BBS5: variants seen among roughly 807,000 people sequenced by gnomAD.
BBS5 encodes Bardet-Biedl syndrome 5.
In BBS5, 39 loss-of-function variants were observed where a neutral mutation model predicts 50.2. That is an observed-to-expected ratio of 0.78 (90% CI 0.60 to 1.01). BBS5 has a LOEUF of 1.01. Among genes scored for constraint, BBS5 ranks in the 50% least tolerant of loss-of-function variants. The pLI, the probability that BBS5 is intolerant of heterozygous loss-of-function variation, is 0.00. For missense variants in BBS5, 356 were observed against 401.5 expected (o/e 0.89, Z 0.97); for synonymous variants, 134 against 133.1 (o/e 1.01, Z -0.05).
At chr2:169,486,768 C>G (rs965911783) in intron 2 of BBS5, among the ~76,000 whole-genome samples, 7 of 152,156 alleles carry the variant, frequency 4.6e-5, no homozygotes. Context: ...AGAACAACTT[C>G]TACCAAGACA....
chr2:169,497,789 A>G, intron 8 of BBS5, 100 bp downstream of exon 8: 2 of 775,254 alleles, frequency 2.6e-6, no homozygotes, highest in Non-Finnish European at 4.5e-6. Context: ...ACATCTGAGA[A>G]GAATATTAGC....
At chr2:169,487,263 C>A (rs1683502544) in intron 3 of BBS5, 129 bp downstream of exon 3, 1 of 679,126 alleles carries the variant, frequency 1.5e-6, no homozygotes. Context: ...AAATCCTAGA[C>A]ATCATAATGC....
chr2:169,505,708 G>GC lies in BBS5; in HGVS notation c.*1130dup. 4.8e-6 allele frequency: 1 copy of GC among 206,438 alleles called. No individual in the cohort carries two copies. The highest frequency in any genetic ancestry group is 6.4e-5 in the South Asian group (1 of 15,566). 12.8% of individuals were successfully genotyped at this position (206,438 alleles called of 1,614,324 possible). On this transcript the variant is annotated 3_prime_UTR_variant, in exon 12 of 12. Transcript: ENST00000295240. ...AACCGCCCCGTCTGATAAGTAAGGA[G>GC]CCCCTCTGCCCAGCAGCCGCCCCGT...
chr2:169,489,851 CTTTTTTTTTTTTTTTTTTTTTTTTT>C (rs71003093), intron 5 of BBS5, among the ~76,000 whole-genome samples: 24 of 65,900 alleles, frequency 3.6e-4, no homozygotes, highest in Middle Eastern at 9.1e-3. Flanking sequence ...CATAAATTTC[CTTTTTTTTTTTTTTTTTTTTTTTTT>C]TTTTTTTTTT....
At chr2:169,484,784 A>G (rs2105293005) in intron 2 of BBS5, among the ~76,000 whole-genome samples, 1 of 152,356 alleles carries the variant, frequency 6.6e-6, no homozygotes, top group Middle Eastern at 3.4e-3. Flanking sequence ...AGTAAGTCAT[A>G]GAAATGAGTT....
intron 9 of BBS5, among the ~76,000 whole-genome samples, chr2:169,502,867 T>C (rs1361984657): frequency 2.0e-5 from 3 of 152,220 alleles, no homozygotes; most frequent in African/African-American, 7.2e-5. Context: ...ATCTTAAGTA[T>C]GTGTAAATTT....
chr2:169,487,732 C>CA (rs1553527307), intron 3 of BBS5, 74 bp from the exon 4 acceptor site: 1 of 1,088,154 alleles, frequency 9.2e-7, no homozygotes, highest in Non-Finnish European at 1.4e-6. Flanking sequence ...TCTGTGTATA[C>CA]TTTTTTTTTA....
At chr2:169,485,628 A>G (rs1426877443) in intron 2 of BBS5, among the ~76,000 whole-genome samples, 1 of 152,204 alleles carries the variant, frequency 6.6e-6, no homozygotes, top group East Asian at 1.9e-4. Context: ...TAGTATGTCC[A>G]AAGACAACTT....
chr2:169,505,159 G>C lies in BBS5; in HGVS notation c.*577G>C, dbSNP rs2105304898. ...TTTGGTGGAGACGGGGTTTCGCTGT[G>C]TTGGCCGGGCTGGTCTCCAGCTCCT... On this transcript the variant is annotated 3_prime_UTR_variant, in exon 12 of 12. Transcript: ENST00000295240. The C allele has an allele frequency of 3.1e-6, 2 of 636,982 alleles. No individual in the cohort carries two copies. Among genetic ancestry groups the C allele is most frequent in the South Asian group, 3.5e-5 (2 of 57,144 alleles). The allele number at this position is 636,982 out of a possible 1,614,324, so 39.5% of individuals were successfully genotyped here.
At chr2:169,502,486 T>C (rs1683828152) in intron 9 of BBS5, among the ~76,000 whole-genome samples, 1 of 152,234 alleles carries the variant, frequency 6.6e-6, no homozygotes, top group African/African-American at 2.4e-5. Context: ...CAGTTTCTTT[T>C]GGTTCAACAT....
intron 7 of BBS5, among the ~76,000 whole-genome samples, chr2:169,496,836 T>C (rs1460359593): frequency 1.3e-5 from 2 of 151,464 alleles, no homozygotes; most frequent in Non-Finnish European, 2.9e-5. Flanking sequence ...ACCACTGCAC[T>C]CCAGCCTGGG....
intron 8 of BBS5, among the ~76,000 whole-genome samples, chr2:169,498,521 TAGAA>T (rs542294560): frequency 3.5e-4 from 53 of 152,102 alleles, no homozygotes; most frequent in Non-Finnish European, 6.0e-4. Flanking sequence ...AATTGAGGCT[TAGAA>T]AGGTTAAGGA....
intron 7 of BBS5, among the ~76,000 whole-genome samples, chr2:169,496,888 T>A (rs1683704456): frequency 6.6e-6 from 1 of 151,372 alleles, no homozygotes; most frequent in Non-Finnish European, 1.5e-5. Flanking sequence ...AAACCTTAAA[T>A]AGAATAGAGG....
intron 9 of BBS5, 100 bp downstream of exon 9, chr2:169,499,720 T>G: frequency 8.0e-7 from 1 of 1,253,798 alleles, no homozygotes; most frequent in Middle Eastern, 2.1e-4. Flanking sequence ...TTGAACTGTT[T>G]TTAAAATGGT....
intron 5 of BBS5, among the ~76,000 whole-genome samples, chr2:169,492,328 A>G (rs563770198): frequency 1.3e-5 from 2 of 151,708 alleles, no homozygotes; most frequent in South Asian, 4.2e-4. Flanking sequence ...TGTCTCTACT[A>G]AAAATACAAA....
Position 169,505,563 on chromosome 2 carries a change from T to G in BBS5, c.*981T>G, listed in dbSNP as rs7589199. ...CTAGGAAGTGAGGAGCTTCTCTGCC[T>G]GGCCGCCCATCGTCTGAGATGTGGG... On this transcript the variant is annotated 3_prime_UTR_variant, in exon 12 of 12. Coordinates refer to ENST00000295240, the MANE Select transcript of BBS5 (RefSeq NM_152384.3). 1 of 262,066 alleles carries G rather than the reference T, an allele frequency of 3.8e-6. No homozygotes were observed. Among genetic ancestry groups the G allele is most frequent in the Non-Finnish European group, 7.6e-6 (1 of 132,020 alleles). The allele number at this position is 262,066 out of a possible 1,614,324, so 16.2% of individuals were successfully genotyped here.
chr2:169,494,544 CCTT>C (rs930836870), intron 7 of BBS5, among the ~76,000 whole-genome samples: 6 of 151,196 alleles, frequency 4.0e-5, no homozygotes, highest in African/African-American at 1.5e-4. Flanking sequence ...TAGCTAGACT[CCTT>C]CTCTATTTAA....
intron 9 of BBS5, among the ~76,000 whole-genome samples, chr2:169,502,466 T>TA (rs1320666499): frequency 1.2e-4 from 18 of 152,312 alleles, no homozygotes; most frequent in South Asian, 6.2e-4. Flanking sequence ...TTTTGACTGA[T>TA]AAAAAATGGC....
rs888387594 is a variant in BBS5 at position 169,503,312 on chromosome 2, T to C, written c.900+134T>C. The C allele has an allele frequency of 8.1e-6, 6 of 744,622 alleles. No individual in the cohort carries two copies. In the Admixed American group the frequency reaches 9.2e-5, roughly 11 times the overall value. 46.1% of individuals were successfully genotyped at this position (744,622 alleles called of 1,614,324 possible). A position where few individuals can be genotyped will look rare whatever the true frequency, so the allele number is the denominator to read the frequency against. ...GTCTTAAACCTGAGTTTGAAGATAA[T>C]ATTTTTAGTGAGGGATTTCTTTTGT... On this transcript the variant is annotated intron_variant, in intron 10 of 11. Coordinates refer to ENST00000295240, the MANE Select transcript of BBS5 (RefSeq NM_152384.3).
Sources: allele counts gnomAD v4.1 joint callset (sites outside exome capture counted in the v4.1 genomes callset), GRCh38; gene constraint gnomAD v4.1.1; transcripts MANE v1.5; gene names NCBI Gene and HGNC (gene_info 2026-07-23, HGNC 2026-07-21).